Variants in SLC35F3 observed in about 807,000 individuals in gnomAD.
SLC35F3 encodes solute carrier family 35 member F3.
SLC35F3 carries 25 observed loss-of-function variants against 49.9 expected under a neutral mutation model. The ratio of observed to expected loss-of-function variants is 0.50; its 90% CI spans 0.37 to 0.70. The LOEUF (loss-of-function observed/expected upper bound fraction) is 0.70. SLC35F3 is among the 30% of genes least tolerant of loss of function. SLC35F3 has a pLI of 0.00. For missense variants in SLC35F3, 525 were observed against 639.8 expected (o/e 0.82, Z 1.94); for synonymous variants, 275 against 265.4 (o/e 1.04, Z -0.35).
chr1:234,158,934 T>C (rs1039105415), intron 2 of SLC35F3, among the ~76,000 whole-genome samples: 2 of 152,204 alleles, frequency 1.3e-5, no homozygotes, highest in African/African-American at 4.8e-5. Flanking sequence ...TTCCCCATAG[T>C]AGACCATACT....
At chr1:233,970,268 G>A (rs1662971582) in intron 2 of SLC35F3, among the ~76,000 whole-genome samples, 1 of 152,136 alleles carries the variant, frequency 6.6e-6, no homozygotes, top group Non-Finnish European at 1.5e-5. Context: ...GAACAGTGAT[G>A]GGAATGCTCA....
intron 2 of SLC35F3, among the ~76,000 whole-genome samples, chr1:234,071,712 T>C (rs770530822): frequency 6.6e-6 from 1 of 152,224 alleles, no homozygotes; most frequent in South Asian, 2.1e-4. Context: ...AGCAGCAGAA[T>C]GCTTCAAAAG....
chr1:233,949,897 C>T (rs1662575883), intron 2 of SLC35F3, among the ~76,000 whole-genome samples: 1 of 152,136 alleles, frequency 6.6e-6, no homozygotes, highest in African/African-American at 2.4e-5. Flanking sequence ...ACTTCAGACC[C>T]TGGGCAGAGA....
chr1:234,141,992 C>T (rs1349957537), intron 2 of SLC35F3, among the ~76,000 whole-genome samples: 3 of 152,210 alleles, frequency 2.0e-5, no homozygotes, highest in Non-Finnish European at 2.9e-5. Context: ...TGCAGCGAAG[C>T]GTGCATCTCT....
At chr1:234,106,408 C>T (rs1008495525) in intron 2 of SLC35F3, among the ~76,000 whole-genome samples, 3 of 152,250 alleles carry the variant, frequency 2.0e-5, no homozygotes, top group African/African-American at 7.2e-5. Flanking sequence ...TTAAACAACA[C>T]ACCTTTATGT....
chr1:233,929,852 TA>T (rs1476467006), intron 2 of SLC35F3, among the ~76,000 whole-genome samples: 1 of 152,192 alleles, frequency 6.6e-6, no homozygotes, highest in Non-Finnish European at 1.5e-5. Context: ...AAGTTTCTTG[TA>T]AAGGATGTTG....
intron 2 of SLC35F3, among the ~76,000 whole-genome samples, chr1:233,961,076 T>C (rs1662791398): frequency 6.6e-6 from 1 of 152,114 alleles, no homozygotes; most frequent in Admixed American, 6.5e-5. Flanking sequence ...AGAAGGTTGT[T>C]TATGAGAGAA....
At chr1:233,909,463 T>A (rs548393883) in intron 2 of SLC35F3, among the ~76,000 whole-genome samples, 1 of 152,300 alleles carries the variant, frequency 6.6e-6, no homozygotes, top group Non-Finnish European at 1.5e-5. Flanking sequence ...AATACTGACC[T>A]CTGGGACAGG....
chr1:234,100,988 A>G (rs1404340490), intron 2 of SLC35F3, among the ~76,000 whole-genome samples: 3 of 151,608 alleles, frequency 2.0e-5, no homozygotes, highest in East Asian at 1.9e-4. Context: ...CACCAACCAC[A>G]CCTCAACCAC....
chr1:234,280,951 A>G (rs1055714106), intron 3 of SLC35F3, among the ~76,000 whole-genome samples: 1 of 152,104 alleles, frequency 6.6e-6, no homozygotes, highest in African/African-American at 2.4e-5. Flanking sequence ...GGGCTCCCAT[A>G]TGAAGGGCTG....
chr1:234,212,470 G>A (rs1462610682), intron 2 of SLC35F3: 1 of 152,168 alleles, frequency 6.6e-6, no homozygotes, highest in Non-Finnish European at 1.5e-5. Flanking sequence ...ATAACGTACT[G>A]GTTATAAGTT....
intron 2 of SLC35F3, among the ~76,000 whole-genome samples, chr1:234,105,120 T>A (rs1665265896): frequency 8.0e-6 from 1 of 124,914 alleles, no homozygotes; most frequent in Non-Finnish European, 1.7e-5. Flanking sequence ...AATGTGAGAC[T>A]CCGTTAAAAA....
At chr1:233,964,054 C>T (rs1031433028) in intron 2 of SLC35F3, among the ~76,000 whole-genome samples, 1 of 152,186 alleles carries the variant, frequency 6.6e-6, no homozygotes, top group Non-Finnish European at 1.5e-5. Context: ...TCAAACTTTT[C>T]AAAGTGCCTC....
At chr1:233,987,401 C>T (rs1205901364) in intron 2 of SLC35F3, among the ~76,000 whole-genome samples, 3 of 152,068 alleles carry the variant, frequency 2.0e-5, no homozygotes, top group Non-Finnish European at 2.9e-5. Flanking sequence ...GTATGGAATT[C>T]TAAGTATCAA....
Position 234,318,748 on chromosome 1 carries a change from C to A in SLC35F3, c.955-3C>A. 3 of 1,613,074 alleles carry A rather than the reference C, an allele frequency of 1.9e-6. No individual in the cohort carries two copies. The highest frequency in any genetic ancestry group is 2.5e-6 in the Non-Finnish European group (3 of 1,179,500). Reference sequence around the variant, plus strand: ...CCCCGTCCTCCTCTGCTTTCTCCTACAGGTTTTGTTCAAGCTCCTCCTGGG... The same window carrying A: ...CCCCGTCCTCCTCTGCTTTCTCCTAAAGGTTTTGTTCAAGCTCCTCCTGGG... On this transcript the variant is annotated splice_polypyrimidine_tract_variant and splice_region_variant and intron_variant, in intron 5 of 7. Transcript: ENST00000366618.
At chr1:233,987,773 T>G (rs1389685770) in intron 2 of SLC35F3, among the ~76,000 whole-genome samples, 1 of 152,216 alleles carries the variant, frequency 6.6e-6, no homozygotes, top group Non-Finnish European at 1.5e-5. Flanking sequence ...CTTCCTAGAC[T>G]AATCTTTTAA....
chr1:233,987,197 C>A (rs4295940), intron 2 of SLC35F3, among the ~76,000 whole-genome samples: 42,102 of 151,946 alleles, frequency 0.28, 6,079 homozygotes, highest in East Asian at 0.49. Flanking sequence ...GGCTGAGGCA[C>A]AAGAATCACT....
intron 2 of SLC35F3, among the ~76,000 whole-genome samples, chr1:234,031,326 T>C (rs965101565): frequency 2.0e-5 from 3 of 152,214 alleles, no homozygotes; most frequent in Non-Finnish European, 4.4e-5. Context: ...ATCACCTATG[T>C]GTGAACTCAA....
At chr1:234,153,699 G>A (rs892940302) in intron 2 of SLC35F3, among the ~76,000 whole-genome samples, 1 of 152,140 alleles carries the variant, frequency 6.6e-6, no homozygotes, top group Non-Finnish European at 1.5e-5. Flanking sequence ...GGCAGAGGTG[G>A]GCAGATCACT....
Sources: gnomAD v4.1 joint callset for allele counts (sites outside exome capture counted in the v4.1 genomes callset) on GRCh38, gnomAD v4.1.1 for gene constraint, MANE v1.5 for transcripts, NCBI Gene and HGNC (gene_info 2026-07-23, HGNC 2026-07-21) for gene names.